CMSS1: variants seen among roughly 807,000 people sequenced by gnomAD.
The protein encoded by CMSS1 is cms1 ribosomal small subunit homolog.
CMSS1 carries 33 observed loss-of-function variants against 43.5 expected under a neutral mutation model. The ratio of observed to expected loss-of-function variants is 0.76; its 90% CI spans 0.57 to 1.01. The LOEUF is 1.01. CMSS1 is among the 50% of genes least tolerant of loss of function. CMSS1 has a pLI of 0.00. For synonymous variants in CMSS1, 115 were observed against 117.2 expected, an observed-to-expected ratio of 0.98 and a Z score of 0.12; for missense variants, 313 against 326.4, an observed-to-expected ratio of 0.96 and a Z score of 0.32.
intron 1 of CMSS1, among the ~76,000 whole-genome samples, chr3:100,103,006 G>A (rs755672148): frequency 2.0e-5 from 3 of 152,186 alleles, no homozygotes; most frequent in Non-Finnish European, 2.9e-5. Flanking sequence ...AGGTGCCAGT[G>A]GAGGAAAAAA....
At chr3:99,930,419 T>C (rs1332513909) in intron 1 of CMSS1, among the ~76,000 whole-genome samples, 1 of 152,172 alleles carries the variant, frequency 6.6e-6, no homozygotes, top group African/African-American at 2.4e-5. Flanking sequence ...TAGGAGCCAG[T>C]TCACTTGGGG....
intron 1 of CMSS1, among the ~76,000 whole-genome samples, chr3:100,062,399 C>T (rs1231612635): frequency 6.6e-6 from 1 of 152,048 alleles, no homozygotes; most frequent in Non-Finnish European, 1.5e-5. Context: ...GTGTGAGCCA[C>T]CGCGCCCGGT....
At chr3:100,139,561 GTGTGTATGTATATATA>G (rs1245107756) in intron 1 of CMSS1, among the ~76,000 whole-genome samples, 1 of 145,418 alleles carries the variant, frequency 6.9e-6, no homozygotes, top group African/African-American at 2.5e-5. Flanking sequence ...GTGTGTGTGT[GTGTGTATGTATATATA>G]TGTGTATATA....
chr3:100,022,722 T>G (rs934656589), intron 1 of CMSS1, among the ~76,000 whole-genome samples: 1 of 152,174 alleles, frequency 6.6e-6, no homozygotes, highest in Non-Finnish European at 1.5e-5. Flanking sequence ...TCTTCAGCAG[T>G]CATCATATGT....
At chr3:99,892,568 G>T (rs1333964070) in intron 1 of CMSS1, among the ~76,000 whole-genome samples, 1 of 152,088 alleles carries the variant, frequency 6.6e-6, no homozygotes, top group African/African-American at 2.4e-5. Context: ...CCCTTTGATG[G>T]CTTCATTGTC....
At chr3:99,848,191 C>T (rs1457820546) in intron 1 of CMSS1, 42 of 1,559,682 alleles carry the variant, frequency 2.7e-5, no homozygotes, top group Non-Finnish European at 3.1e-5. Flanking sequence ...TTCAGTCAGT[C>T]TTGGGGGATA....
chr3:100,090,861 C>T (rs1307859563), intron 1 of CMSS1, among the ~76,000 whole-genome samples: 1 of 152,186 alleles, frequency 6.6e-6, no homozygotes, highest in Non-Finnish European at 1.5e-5. Flanking sequence ...TTGCCTGCTT[C>T]ATTCCATCCC....
At chr3:100,094,473 T>C (rs1359152272) in intron 1 of CMSS1, among the ~76,000 whole-genome samples, 4 of 152,114 alleles carry the variant, frequency 2.6e-5, no homozygotes, top group Non-Finnish European at 5.9e-5. Flanking sequence ...GATTATACTT[T>C]TGGTGTTAAG....
At chr3:99,966,098 TACAGGGATATCTCTCTC>T (rs1341307753) in intron 1 of CMSS1, among the ~76,000 whole-genome samples, 1 of 152,208 alleles carries the variant, frequency 6.6e-6, no homozygotes. Flanking sequence ...AAGTGATATT[TACAGGGATATCTCTCTC>T]ACAATATCTC....
intron 1 of CMSS1, among the ~76,000 whole-genome samples, chr3:99,953,004 G>T (rs11719468): frequency 1.3e-5 from 2 of 151,898 alleles, no homozygotes; most frequent in African/African-American, 2.4e-5. Context: ...GGTCTCTGAA[G>T]GTGGATTTTC....
intron 1 of CMSS1, among the ~76,000 whole-genome samples, chr3:100,097,959 A>G (rs1043127756): frequency 6.6e-6 from 1 of 152,226 alleles, no homozygotes. Flanking sequence ...CATCAACGGT[A>G]GCATATCTGA....
intron 1 of CMSS1, chr3:99,849,945 T>C: frequency 6.2e-7 from 1 of 1,613,170 alleles, no homozygotes; most frequent in South Asian, 1.1e-5. Flanking sequence ...GATCATTTCC[T>C]TTCTCTTCTT....
intron 1 of CMSS1, among the ~76,000 whole-genome samples, chr3:100,068,539 C>G (rs1256011543): frequency 3.3e-5 from 5 of 152,102 alleles, no homozygotes; most frequent in African/African-American, 1.2e-4. Context: ...TGGGTGCTGC[C>G]AAAGAACCCA....
chr3:100,039,779 A>T, intron 1 of CMSS1: 1 of 139,728 alleles, frequency 7.2e-6, no homozygotes, highest in African/African-American at 2.7e-5. Context: ...TTTGAGATGG[A>T]GTCTTGTTCT....
chr3:99,850,621 T>G, intron 1 of CMSS1: 1 of 1,614,042 alleles, frequency 6.2e-7, no homozygotes, highest in Non-Finnish European at 8.5e-7. Context: ...TTTTATATCT[T>G]GCAGCTCCTC....
intron 2 of CMSS1, among the ~76,000 whole-genome samples, chr3:100,158,247 C>T (rs76120299): frequency 0.17 from 26,316 of 152,108 alleles, 2,352 homozygotes; most frequent in South Asian, 0.21. Context: ...TGAAAATATG[C>T]TCTAGTTGCT....
intron 1 of CMSS1, among the ~76,000 whole-genome samples, chr3:100,055,834 A>T (rs1003541940): frequency 2.6e-5 from 4 of 152,350 alleles, no homozygotes; most frequent in Non-Finnish European, 5.9e-5. Context: ...TTTATATTAA[A>T]TTACTCTTCC....
At chr3:99,924,501 G>A in intron 1 of CMSS1, 1 of 1,305,426 alleles carries the variant, frequency 7.7e-7, no homozygotes, top group Non-Finnish European at 1.1e-6. Flanking sequence ...GATTAATTCG[G>A]CAGTGGGTTT....
At chr3:99,924,472 T>C in intron 1 of CMSS1, 3 of 1,451,204 alleles carry the variant, frequency 2.1e-6, no homozygotes, top group Non-Finnish European at 1.9e-6. Context: ...TTTCACTCTT[T>C]TAGAAATGTC....
Sources: gnomAD v4.1 joint callset for allele counts (sites outside exome capture counted in the v4.1 genomes callset) on GRCh38, gnomAD v4.1.1 for gene constraint, MANE v1.5 for transcripts, NCBI Gene and HGNC (gene_info 2026-07-23, HGNC 2026-07-21) for gene names.